The following TBCK variants were observed in gnomAD, a reference collection of about 807,000 sequenced individuals.
The protein encoded by TBCK is TBC domain-containing protein kinase-like protein.
In TBCK, 99 loss-of-function variants were observed where a neutral mutation model predicts 113.4. The ratio of observed to expected loss-of-function variants is 0.87; its 90% CI spans 0.74 to 1.03. The LOEUF (loss-of-function observed/expected upper bound fraction) is 1.03, where lower values mean the gene tolerates loss of function less well. TBCK is among the 50% of genes least tolerant of loss of function. TBCK has a pLI of 0.00. For missense variants in TBCK, 1,045 were observed against 1,061.3 expected, an observed-to-expected ratio of 0.98 and a Z score of 0.21; for synonymous variants, 369 against 370.8, an observed-to-expected ratio of 1.00 and a Z score of 0.05.
chr4:106,167,037 T>C lies in TBCK; in HGVS notation c.2235+4058A>G, dbSNP rs181544774. On this transcript the variant is annotated intron_variant, in intron 23 of 25. Coordinates refer to ENST00000394708, the MANE Select transcript of TBCK (RefSeq NM_001163435.3). ...GTCCAAAGCAATAGACAATAAACAA[T>C]TGGAAACATAATAACTTGAAAGAAA... Among the ~76,000 whole-genome samples the C allele has an allele frequency of 3.1e-4, 46 of 149,892 alleles. No individual in the cohort carries two copies. The East Asian group carries it at 4.3e-3, about 14-fold the overall frequency.
At chr4:106,229,299 T>C (rs1429516098) in intron 19 of TBCK, among the ~76,000 whole-genome samples, 4 of 152,140 alleles carry the variant, frequency 2.6e-5, no homozygotes, top group African/African-American at 9.6e-5. Flanking sequence ...GCTTATGGGG[T>C]ATTACTCGAC....
chr4:106,075,572 A>T (rs1259327967), intron 25 of TBCK, among the ~76,000 whole-genome samples: 1 of 152,204 alleles, frequency 6.6e-6, no homozygotes, highest in Non-Finnish European at 1.5e-5. Flanking sequence ...TTGATTGGCA[A>T]TATAGTGTTC....
intron 4 of TBCK, 63 bp from the exon 5 acceptor site, chr4:106,260,573 ATAT>A (rs1762414035): frequency 2.0e-6 from 1 of 511,644 alleles, no homozygotes; most frequent in South Asian, 5.1e-5. Flanking sequence ...CATATAATTT[ATAT>A]TATAAAATTA....
chr4:106,300,890 C>T (rs2125868638), intron 2 of TBCK, among the ~76,000 whole-genome samples: 1 of 152,162 alleles, frequency 6.6e-6, no homozygotes, highest in East Asian at 1.9e-4. Context: ...CACTTTAAGC[C>T]AGGAGTTCAA....
chr4:106,230,567 A>G (rs946014094), intron 18 of TBCK, 121 bp from the exon 19 acceptor site: 1 of 445,646 alleles, frequency 2.2e-6, no homozygotes, highest in Admixed American at 3.9e-5. Flanking sequence ...TATGATAGCC[A>G]AGTGCTAGAA....
chr4:106,215,833 C>G (rs1399751787), intron 19 of TBCK, among the ~76,000 whole-genome samples: 7 of 151,494 alleles, frequency 4.6e-5, no homozygotes, highest in African/African-American at 1.7e-4. Context: ...CAAGGATACC[C>G]AGGAATTGAA....
chr4:106,071,984 T>A (rs1329184782), intron 25 of TBCK, among the ~76,000 whole-genome samples: 1 of 152,244 alleles, frequency 6.6e-6, no homozygotes, highest in Non-Finnish European at 1.5e-5. Context: ...TTTGAGCCTA[T>A]GTGTGTCTCT....
chr4:106,243,856 T>A (rs971008050), intron 11 of TBCK, among the ~76,000 whole-genome samples: 6 of 151,756 alleles, frequency 4.0e-5, no homozygotes, highest in Admixed American at 3.9e-4. Context: ...GCCCAGCTAA[T>A]TTTTTTTCTT....
chr4:106,252,010 G>A lies in TBCK; in HGVS notation c.456-3C>T. The A allele has an allele frequency of 6.3e-7, 1 of 1,582,680 alleles. No individual in the cohort carries two copies. Among genetic ancestry groups the A allele is most frequent in the Non-Finnish European group, 8.6e-7 (1 of 1,166,312 alleles). On this transcript the variant is annotated splice_region_variant and splice_polypyrimidine_tract_variant and intron_variant, in intron 5 of 25. Transcript: ENST00000394708. ...CAGGGGCCAAGTACGAGGGATACCTGTAATGATACATTAAAATAATGAAAA... is the reference window on the plus strand; with the variant it reads ...CAGGGGCCAAGTACGAGGGATACCTATAATGATACATTAAAATAATGAAAA...
intron 22 of TBCK, 58 bp from the exon 23 acceptor site, chr4:106,171,328 TA>T (rs1206148463): frequency 7.7e-7 from 1 of 1,297,460 alleles, no homozygotes; most frequent in Non-Finnish European, 1.1e-6. Flanking sequence ...TCTTTTAATG[TA>T]ATAAACACCA....
At chr4:106,265,829 G>T (rs1339157777) in intron 3 of TBCK, among the ~76,000 whole-genome samples, 1 of 151,574 alleles carries the variant, frequency 6.6e-6, no homozygotes, top group East Asian at 1.9e-4. Flanking sequence ...CTGGTAATCC[G>T]ATCCCTGGTT....
chr4:106,160,152 T>C (rs767361381), intron 23 of TBCK, among the ~76,000 whole-genome samples: 10 of 151,948 alleles, frequency 6.6e-5, no homozygotes, highest in Admixed American at 1.3e-4. Flanking sequence ...CTTAAATGTA[T>C]GGCCAAAAAC....
chr4:106,252,063 C>T, intron 5 of TBCK, 56 bp from the exon 6 acceptor site: 1 of 1,408,768 alleles, frequency 7.1e-7, no homozygotes, highest in Middle Eastern at 1.9e-4. Context: ...AGCGATAGTA[C>T]ATTTTTACAA....
intron 25 of TBCK, among the ~76,000 whole-genome samples, chr4:106,071,405 G>A (rs1417130455): frequency 6.6e-6 from 1 of 152,130 alleles, no homozygotes; most frequent in African/African-American, 2.4e-5. Context: ...TAGTTGTGTG[G>A]TTTTGAGTGA....
At chr4:106,095,726 G>A (rs1740824330) in intron 24 of TBCK, 85 bp from the exon 25 acceptor site, 2 of 1,229,334 alleles carry the variant, frequency 1.6e-6, no homozygotes, top group Non-Finnish European at 2.3e-6. Flanking sequence ...GTGACTCCCA[G>A]AAGATAGTAC....
chr4:106,243,104 A>G (rs1255756747), intron 11 of TBCK, among the ~76,000 whole-genome samples: 1 of 152,140 alleles, frequency 6.6e-6, no homozygotes, highest in Non-Finnish European at 1.5e-5. Context: ...ACATAAACAT[A>G]TACATATGTG....
chr4:106,290,675 C>A (rs1202658867), intron 3 of TBCK, among the ~76,000 whole-genome samples: 1 of 152,160 alleles, frequency 6.6e-6, no homozygotes. Flanking sequence ...AACCCCCCCA[C>A]CATGGACTAG....
intron 19 of TBCK, among the ~76,000 whole-genome samples, chr4:106,215,416 C>G (rs1311374877): frequency 1.3e-5 from 2 of 152,110 alleles, no homozygotes; most frequent in Non-Finnish European, 2.9e-5. Flanking sequence ...AAGACACAGA[C>G]TGGCAAATTG....
intron 23 of TBCK, among the ~76,000 whole-genome samples, chr4:106,151,267 T>G (rs1748451328): frequency 6.6e-6 from 1 of 152,004 alleles, no homozygotes; most frequent in Non-Finnish European, 1.5e-5. Flanking sequence ...ATAATCACCC[T>G]GTGCACCAGC....
Sources: gnomAD v4.1 joint callset for allele counts (sites outside exome capture counted in the v4.1 genomes callset) on GRCh38, gnomAD v4.1.1 for gene constraint, MANE v1.5 for transcripts, NCBI Gene and HGNC (gene_info 2026-07-23, HGNC 2026-07-21) for gene names.